The following LETM1 variants were observed in gnomAD, a reference collection of about 807,000 sequenced individuals.
The protein encoded by LETM1 is mitochondrial proton/calcium exchanger protein.
In LETM1, 50 loss-of-function variants were observed where a neutral mutation model predicts 74.5. The ratio of observed to expected loss-of-function variants is 0.67; its 90% CI spans 0.53 to 0.85. The LOEUF (loss-of-function observed/expected upper bound fraction) is 0.85, where lower values mean the gene tolerates loss of function less well. LETM1 is among the 40% of genes least tolerant of loss of function. The pLI is 0.00. For missense variants in LETM1, 824 were observed against 967.8 expected (o/e 0.85, Z 1.97); for synonymous variants, 446 against 407.1 (o/e 1.10, Z -1.15).
chr4:1,842,854 C>A, intron 2 of LETM1, among the ~76,000 whole-genome samples: 1 of 152,340 alleles, frequency 6.6e-6, no homozygotes, highest in South Asian at 2.1e-4. Context: ...CTGACCGCAG[C>A]GTGGTGCCAC....
chr4:1,823,910 T>C lies in LETM1; in HGVS notation c.1201-135A>G, dbSNP rs972814747. On this transcript the variant is annotated intron_variant, in intron 7 of 13. Coordinates refer to ENST00000302787, the MANE Select transcript of LETM1 (RefSeq NM_012318.3). The stretch of plus-strand genomic sequence containing the variant: ...AAGTTCTACAAGGTCTGTTTGTTGC[T>C]GTGCTGCGTGACCCGATGACGGCGT... 5 of 1,024,862 alleles carry C rather than the reference T, an allele frequency of 4.9e-6. No homozygotes were observed. The African/African-American group carries it at 6.5e-5, about 13-fold the overall frequency. 63.5% of individuals were successfully genotyped at this position (1,024,862 alleles called of 1,614,324 possible). A position where few individuals can be genotyped will look rare whatever the true frequency, so the allele number is the denominator to read the frequency against.
intron 6 of LETM1, among the ~76,000 whole-genome samples, chr4:1,829,196 C>T (rs556563571): frequency 1.1e-4 from 12 of 113,698 alleles, no homozygotes; most frequent in East Asian, 6.2e-4. Context: ...CCCTCCCGGA[C>T]GGGGCGGCTG....
intron 5 of LETM1, 159 bp from the exon 6 acceptor site, chr4:1,833,106 C>T: frequency 1.6e-6 from 1 of 638,538 alleles, no homozygotes. Context: ...GGGTCTCGCT[C>T]TGTTACCCAG....
At chr4:1,829,038 A>G (rs866611760) in intron 6 of LETM1, among the ~76,000 whole-genome samples, 1,529 of 39,788 alleles carry the variant, frequency 0.038, 154 homozygotes, top group African/African-American at 0.17. Flanking sequence ...GCCGGGCGGG[A>G]GCTGACCCCC....
chr4:1,817,266 A>T (rs1188461042), intron 11 of LETM1, among the ~76,000 whole-genome samples: 1 of 150,506 alleles, frequency 6.6e-6, no homozygotes, highest in African/African-American at 2.4e-5. Flanking sequence ...AAAAAAAAAA[A>T]AAGAATCTGG....
intron 6 of LETM1, among the ~76,000 whole-genome samples, chr4:1,830,637 G>C (rs1239388698): frequency 2.6e-5 from 4 of 152,126 alleles, no homozygotes; most frequent in African/African-American, 9.7e-5. Flanking sequence ...CCTGGCCTTA[G>C]TATCTTCTCG....
intron 6 of LETM1, among the ~76,000 whole-genome samples, chr4:1,831,611 G>A (rs1168028157): frequency 2.6e-5 from 4 of 152,240 alleles, no homozygotes; most frequent in Non-Finnish European, 5.9e-5. Context: ...GACACCACAG[G>A]GGCTGGCCCC....
At chr4:1,817,245 C>CAAAAAAAAAAAAAAAAAAAAAAAAAAAA in intron 11 of LETM1, among the ~76,000 whole-genome samples, 2 of 66,070 alleles carry the variant, frequency 3.0e-5, no homozygotes, top group Non-Finnish European at 5.4e-5. Context: ...ACTCTGTCTC[C>CAAAAAAAAAAAAAAAAAAAAAAAAAAAA]AAAAAAAAAA....
intron 12 of LETM1, 73 bp from the exon 13 acceptor site, chr4:1,815,875 G>C (rs112391470): frequency 7.0e-6 from 11 of 1,573,228 alleles, no homozygotes; most frequent in African/African-American, 4.0e-5. Flanking sequence ...CCACACCTGT[G>C]GCTGCAAGTG....
Position 1,855,974 on chromosome 4 carries a change from C to G in LETM1, c.-24G>C. ...ATGTGCTCGGGCGCGGCGGCCGCTC[C>G]GGCCTCCTGCGCTGCCTCCTTCTCC... On this transcript the variant is annotated 5_prime_UTR_variant, in exon 1 of 14. Coordinates refer to ENST00000302787, the MANE Select transcript of LETM1 (RefSeq NM_012318.3). The G allele has an allele frequency of 1.0e-5, 12 of 1,197,958 alleles. No individual in the cohort carries two copies. Among genetic ancestry groups the G allele is most frequent in the Non-Finnish European group, 1.2e-5 (12 of 964,148 alleles). 74.2% of individuals were successfully genotyped at this position (1,197,958 alleles called of 1,614,324 possible).
chr4:1,841,422 G>A lies in LETM1; in HGVS notation c.519C>T (p.Ile173=), dbSNP rs1158673822. 3.7e-6 allele frequency: 6 copies of A among 1,614,072 alleles called. No individual in the cohort carries two copies. The highest frequency in any genetic ancestry group is 1.7e-5 in the Admixed American group (1 of 60,014). The change falls in exon 3 of 14, where the codon ATC becomes ATT. Residue 173 remains isoleucine, a synonymous_variant. Transcript: ENST00000302787. The part of the protein sequence containing the change: ...HYYHGFRLLW[I]DTKIAARMLW... ...GCATGCGTGCCGCGATCTTGGTGTC[G>A]ATCCATAGCAGGCGGAAGCCATGGT... is the stretch of plus-strand genomic sequence containing the variant.
At position 1,855,879 on chromosome 4, in the gene LETM1, G is replaced by C; in HGVS notation, c.72C>G (p.Thr24=). The stretch of plus-strand genomic sequence containing the variant: ...GTGCCCGCCGCTTACCCCGCGGGAC[G>C]GTGTACCGAGGCGGCGGCGGGAGGC... The part of the protein sequence containing the change: ...PARLPPPPRY[T]VPRGSPGDPA... The change falls in exon 1 of 14, where the codon ACC becomes ACG. Residue 24 remains threonine, a synonymous_variant. Transcript: ENST00000302787. 1 of 1,235,758 alleles carries C rather than the reference G, an allele frequency of 8.1e-7. No individual in the cohort carries two copies. 76.5% of individuals were successfully genotyped at this position (1,235,758 alleles called of 1,614,324 possible).
At chr4:1,841,269 C>T in intron 3 of LETM1, 78 bp downstream of exon 3, 1 of 1,360,038 alleles carries the variant, frequency 7.4e-7, no homozygotes, top group Non-Finnish European at 1.0e-6. Context: ...CGCCCATGCC[C>T]AGGAAATTGC....
At chr4:1,823,593 C>G in intron 8 of LETM1, 51 bp downstream of exon 8, 1 of 1,607,376 alleles carries the variant, frequency 6.2e-7, no homozygotes, top group Non-Finnish European at 8.5e-7. Flanking sequence ...CCCAGAAGAG[C>G]GGAGCCACCT....
At chr4:1,843,568 A>G (rs1712779444) in intron 2 of LETM1, among the ~76,000 whole-genome samples, 1 of 152,220 alleles carries the variant, frequency 6.6e-6, no homozygotes, top group African/African-American at 2.4e-5. Flanking sequence ...AATTACAGAC[A>G]TGCAAACCCA....
intron 2 of LETM1, among the ~76,000 whole-genome samples, chr4:1,844,784 A>T (rs1408142376): frequency 6.6e-6 from 1 of 150,702 alleles, no homozygotes; most frequent in Non-Finnish European, 1.5e-5. Context: ...ACCATGGCTC[A>T]CACCTGTAAT....
At chr4:1,832,292 A>C (rs556458759) in intron 6 of LETM1, among the ~76,000 whole-genome samples, 10 of 152,176 alleles carry the variant, frequency 6.6e-5, no homozygotes, top group Admixed American at 1.3e-4. Flanking sequence ...ACAAGATCGA[A>C]ACACCGTCTC....
chr4:1,839,543 G>A (rs1712612967), intron 3 of LETM1, among the ~76,000 whole-genome samples: 1 of 152,230 alleles, frequency 6.6e-6, no homozygotes, highest in Admixed American at 6.5e-5. Context: ...CAGTGGCGAG[G>A]TGCGCCTTTC....
At chr4:1,823,236 G>A in intron 8 of LETM1, 105 bp from the exon 9 acceptor site, 2 of 1,383,420 alleles carry the variant, frequency 1.4e-6, no homozygotes, top group Non-Finnish European at 1.9e-6. Flanking sequence ...GTCACCACCT[G>A]GGCTTCACAC....
Sources: allele counts gnomAD v4.1 joint callset (sites outside exome capture counted in the v4.1 genomes callset), GRCh38; gene constraint gnomAD v4.1.1; transcripts MANE v1.5; gene names NCBI Gene and HGNC (gene_info 2026-07-23, HGNC 2026-07-21).